Variants in MYH13 observed in about 807,000 individuals in gnomAD.
MYH13 encodes myosin heavy chain 13.
In MYH13, 177 loss-of-function variants were observed where a neutral mutation model predicts 232.1. The ratio of observed to expected loss-of-function variants is 0.76; its 90% CI spans 0.67 to 0.86. The LOEUF (loss-of-function observed/expected upper bound fraction) is 0.86, where lower values mean the gene tolerates loss of function less well. MYH13 is among the 40% of genes least tolerant of loss of function. The pLI is 0.00. For missense variants in MYH13, 2,246 were observed against 2,405.9 expected, an observed-to-expected ratio of 0.93 and a Z score of 1.39; for synonymous variants, 884 against 923.5, an observed-to-expected ratio of 0.96 and a Z score of 0.78.
Position 10,346,602 on chromosome 17 carries a change from T to TG in MYH13, c.1263+77dup, listed in dbSNP as rs368833608. ...TGATTTCATGTGCATTTCTGATACC[T>TG]GCAACTGAAGGAGCTTTAAGATAAT... On this transcript the variant is annotated intron_variant, in intron 13 of 40. Transcript: ENST00000252172. The TG allele has an allele frequency of 2.8e-4, 322 of 1,133,324 alleles. No homozygotes were observed. In the African/African-American group the frequency reaches 4.3e-3, roughly 15 times the overall value. The allele number at this position is 1,133,324 out of a possible 1,614,324, so 70.2% of individuals were successfully genotyped here.
rs767062297 is a variant in MYH13 at position 10,311,931 on chromosome 17, C to A, written c.4511G>T (p.Arg1504Leu). 2.5e-6 allele frequency: 4 copies of A among 1,613,896 alleles called. No individual in the cohort carries two copies. Among genetic ancestry groups the A allele is most frequent in the East Asian group, 2.2e-5 (1 of 44,864 alleles). The stretch of plus-strand genomic sequence containing the variant: ...CTCACCTTGCAGATTTTTGTTCTCT[C>A]GCCTCAGTGTCTCTAACTGGTCCAC... ...EVVDQLETLR[R>L]ENKNLQEEIS... Residue 1504 changes from arginine (R) to leucine (L), a missense_variant, in exon 32 of 41, where the codon CGA becomes CTA. By Grantham distance (102) the Arg-to-Leu change is moderately radical. Transcript: ENST00000252172.
intron 22 of MYH13, among the ~76,000 whole-genome samples, 195 bp from the exon 23 acceptor site, chr17:10,324,459 C>G (rs1907124798): frequency 6.6e-6 from 1 of 151,998 alleles, no homozygotes; most frequent in African/African-American, 2.4e-5. Flanking sequence ...CACATTTTTT[C>G]TTTTTAGATG....
intron 18 of MYH13, among the ~76,000 whole-genome samples, chr17:10,335,461 G>A (rs1354977385): frequency 6.6e-6 from 1 of 152,132 alleles, no homozygotes; most frequent in Non-Finnish European, 1.5e-5. Flanking sequence ...CATGAGTTAA[G>A]ATGAGTACAG....
chr17:10,322,206 C>T (rs1192753538), intron 23 of MYH13, among the ~76,000 whole-genome samples: 1 of 150,146 alleles, frequency 6.7e-6, no homozygotes, highest in African/African-American at 2.4e-5. Context: ...TCCTGACTAA[C>T]ATCGTGAAAC....
Position 10,333,192 on chromosome 17 carries a change from C to G in MYH13, c.2057-1G>C. The G allele has an allele frequency of 6.5e-7, 1 of 1,543,170 alleles. No individual in the cohort carries two copies. The highest frequency in any genetic ancestry group is 1.2e-5 in the South Asian group (1 of 83,940). Reference sequence around the variant, plus strand: ...ATGACCAAGTAGTGGTCCATCACACCTGGAGAGAGAACGTCCCGGGGGTGT... The same window carrying G: ...ATGACCAAGTAGTGGTCCATCACACGTGGAGAGAGAACGTCCCGGGGGTGT... On this transcript the variant is annotated splice_acceptor_variant, in intron 18 of 40. Transcript: ENST00000252172. LOFTEE classifies it high-confidence loss of function.
chr17:10,314,315 T>G (rs1379584730), intron 29 of MYH13, among the ~76,000 whole-genome samples: 1 of 151,260 alleles, frequency 6.6e-6, no homozygotes, highest in Non-Finnish European at 1.5e-5. Context: ...CTTGGGAGGC[T>G]GAGGCAGGAG....
chr17:10,337,454 T>C (rs9915630), intron 18 of MYH13, among the ~76,000 whole-genome samples: 117,049 of 151,414 alleles, frequency 0.77, 45,607 homozygotes, highest in East Asian at 0.9. Context: ...CTAGAGGATT[T>C]GGGAGAACAA....
At position 10,352,318 on chromosome 17, in the gene MYH13, G is replaced by A. The variant is rs1030032871; in HGVS notation, c.1006-1624C>T. ...CTATAAAAGCTCCGTGAGGCCAGGC[G>A]CGGTAGCTCACATCTGTAATCCCAG... On this transcript the variant is annotated intron_variant, in intron 11 of 40. Transcript: ENST00000252172. Among the ~76,000 whole-genome samples the A allele has an allele frequency of 3.9e-5, 6 of 152,004 alleles. No individual in the cohort carries two copies. The East Asian group carries it at 5.8e-4, about 15-fold the overall frequency.
intron 37 of MYH13, among the ~76,000 whole-genome samples, chr17:10,305,604 C>G (rs1312541303): frequency 6.6e-6 from 1 of 152,160 alleles, no homozygotes; most frequent in African/African-American, 2.4e-5. Context: ...CCTTTCCTCC[C>G]TCTCTTTCAT....
chr17:10,326,981 G>GTTTTTT (rs61543278), intron 22 of MYH13, among the ~76,000 whole-genome samples: 2,368 of 55,832 alleles, frequency 0.042, 1,103 homozygotes, highest in Non-Finnish European at 0.05. Context: ...ATGCCTACTA[G>GTTTTTT]TTTTTTTTTT....
In MYH13 at chr17:10,356,341, G is replaced by A. The variant is rs192322450; in HGVS notation, c.739-1194C>T. Among the ~76,000 whole-genome samples, 149 of 152,160 alleles carry A rather than the reference G, an allele frequency of 9.8e-4. 1 individual carries two copies. Among genetic ancestry groups the A allele is most frequent in the Non-Finnish European group, 1.9e-3 (126 of 68,022 alleles). On this transcript the variant is annotated intron_variant, in intron 8 of 40. Coordinates refer to ENST00000252172, the MANE Select transcript of MYH13 (RefSeq NM_003802.3). The stretch of plus-strand genomic sequence containing the variant: ...CTAGCCTGCAAATATTTGGAGGGTG[G>A]AAAGAGGACAAAATAATTAGAATGA...
rs1404564097 is a variant in MYH13, at chr17:10,309,201, G to T, written c.5169+33C>A. ...CAGGAGGCGCTATCTGCCCCAGGGT[G>T]GACCTTCAGCGGAGGAGTGAGGGCC... On this transcript the variant is annotated intron_variant, in intron 35 of 40. Coordinates refer to ENST00000252172, the MANE Select transcript of MYH13 (RefSeq NM_003802.3). 9 of 1,601,750 alleles carry T rather than the reference G, an allele frequency of 5.6e-6. No homozygotes were observed. The South Asian group carries it at 7.8e-5, about 14-fold the overall frequency.
intron 5 of MYH13, 141 bp downstream of exon 5, chr17:10,361,977 C>G (rs1175381596): frequency 2.0e-6 from 3 of 1,504,334 alleles, no homozygotes; most frequent in African/African-American, 2.8e-5. Context: ...GATGTTGTAC[C>G]CTTTGCTTTT....
intron 5 of MYH13, among the ~76,000 whole-genome samples, chr17:10,361,295 T>C (rs2071790939): frequency 6.6e-6 from 1 of 150,714 alleles, no homozygotes; most frequent in Non-Finnish European, 1.5e-5. Flanking sequence ...CTAGACTCTT[T>C]TTTTTTTTTT....
intron 12 of MYH13, among the ~76,000 whole-genome samples, chr17:10,347,610 T>C (rs2071675470): frequency 6.6e-6 from 1 of 152,044 alleles, no homozygotes; most frequent in African/African-American, 2.4e-5. Flanking sequence ...GTTATATATT[T>C]TCATATATTT....
Position 10,306,343 on chromosome 17 carries a change from G to A in MYH13, c.5466+116C>T, listed in dbSNP as rs2142216750. 2.8e-6 allele frequency: 4 copies of A among 1,446,378 alleles called. No individual in the cohort carries two copies. The South Asian group carries it at 5.2e-5, about 19-fold the overall frequency. The allele number at this position is 1,446,378 out of a possible 1,614,324, so 89.6% of individuals were successfully genotyped here. ...CACAGGGAATTTTTCAAGCAGTCCT[G>A]AAACTGAATTTGCAATCTATTCATT... On this transcript the variant is annotated intron_variant, in intron 37 of 40. Coordinates refer to ENST00000252172, the MANE Select transcript of MYH13 (RefSeq NM_003802.3). The surrounding 1 kb of genome is among the most constrained non-coding windows in gnomAD (Gnocchi z 4.3).
At chr17:10,301,507 C>A (rs1906088816) in intron 40 of MYH13, 62 bp downstream of exon 40, 20 of 1,604,100 alleles carry the variant, frequency 1.2e-5, no homozygotes, top group Non-Finnish European at 1.6e-5. Flanking sequence ...TCGCTCTTAC[C>A]TGGCCCCCAT....
Position 10,312,089 on chromosome 17 carries a change from A to C in MYH13, c.4366-13T>G. 1 of 1,613,198 alleles carries C rather than the reference A, an allele frequency of 6.2e-7. No homozygotes were observed. The highest frequency in any genetic ancestry group is 8.5e-7 in the Non-Finnish European group (1 of 1,179,836). On this transcript the variant is annotated splice_polypyrimidine_tract_variant and intron_variant, in intron 31 of 40. Coordinates refer to ENST00000252172, the MANE Select transcript of MYH13 (RefSeq NM_003802.3). Reference sequence around the variant, plus strand: ...ACTCTGCAAGGACCTGGGAGATGACAAAGGGACATGGGAGAAGCAGAAAGC... The same window carrying C: ...ACTCTGCAAGGACCTGGGAGATGACCAAGGGACATGGGAGAAGCAGAAAGC...
chr17:10,325,869 G>T (rs538963593), intron 22 of MYH13, among the ~76,000 whole-genome samples: 2 of 152,204 alleles, frequency 1.3e-5, no homozygotes, highest in Admixed American at 6.5e-5. Context: ...AAGAGAGGGG[G>T]TTTCACCATG....
Sources: allele counts gnomAD v4.1 joint callset (sites outside exome capture counted in the v4.1 genomes callset), GRCh38; gene constraint gnomAD v4.1.1; non-coding constraint Gnocchi (gnomAD v3.1); transcripts MANE v1.5; gene names NCBI Gene and HGNC (gene_info 2026-07-23, HGNC 2026-07-21).